Variants in CADM2 observed in about 807,000 individuals in gnomAD.
CADM2 encodes the protein immunoglobulin superfamily member 4D.
Under a neutral mutation model 49.8 loss-of-function variants are expected in CADM2, and 12 were observed. That is an observed-to-expected ratio of 0.24 (90% CI 0.15 to 0.39). The LOEUF (loss-of-function observed/expected upper bound fraction) is 0.39. Among genes scored for constraint, CADM2 ranks in the 10% least tolerant of loss-of-function variants. The probability of loss-of-function intolerance (pLI) is 1.00; values close to 1 mark genes in which losing one functional copy is unlikely to be tolerated. For synonymous variants in CADM2, 214 were observed against 175.4 expected (o/e 1.22, Z -1.74); for missense variants, 378 against 492.3 (o/e 0.77, Z 2.20).
chr3:86,028,072 G>T (rs1210656112), intron 8 of CADM2: 1 of 109,776 alleles, frequency 9.1e-6, no homozygotes, highest in Middle Eastern at 7.2e-3. Flanking sequence ...GAGGGGGGAG[G>T]GATAGTATTA....
intron 1 of CADM2, among the ~76,000 whole-genome samples, chr3:85,326,014 A>G (rs2044740818): frequency 6.6e-6 from 1 of 152,214 alleles, no homozygotes; most frequent in Non-Finnish European, 1.5e-5. Context: ...TTGAAACATA[A>G]ATGTTTATTA....
At chr3:85,036,722 G>T (rs571510474) in intron 1 of CADM2, among the ~76,000 whole-genome samples, 21 of 152,210 alleles carry the variant, frequency 1.4e-4, no homozygotes, top group Middle Eastern at 6.8e-3. Flanking sequence ...AAACCTAATA[G>T]TTTAGTTATG....
intron 1 of CADM2, among the ~76,000 whole-genome samples, chr3:85,612,874 A>ATAAC (rs2063714112): frequency 6.6e-6 from 1 of 151,820 alleles, no homozygotes; most frequent in African/African-American, 2.4e-5. Flanking sequence ...TTACCATAAA[A>ATAAC]TAACTGACTT....
At chr3:85,468,607 A>G (rs547703550) in intron 1 of CADM2, among the ~76,000 whole-genome samples, 18 of 151,526 alleles carry the variant, frequency 1.2e-4, no homozygotes, top group African/African-American at 4.3e-4. Context: ...AGAATATGCC[A>G]TAAGAACTTA....
At position 85,628,676 on chromosome 3, in the gene CADM2, C is replaced by CAT. The variant is rs1262185236; in HGVS notation, c.62-97832_62-97831dup. On this transcript the variant is annotated intron_variant, in intron 1 of 9. Transcript: ENST00000383699. ...ACATATGTATATGTGTATATATACA[C>CAT]ATATATATATATATAATTTGCTTGC... Among the ~76,000 whole-genome samples the CAT allele has an allele frequency of 5.8e-3, 842 of 145,698 alleles. 4 individuals carry two copies. Among genetic ancestry groups the CAT allele is most frequent in the African/African-American group, 0.014 (572 of 39,780 alleles).
intron 1 of CADM2, among the ~76,000 whole-genome samples, chr3:85,021,132 AAG>A (rs1399166337): frequency 1.3e-5 from 2 of 150,524 alleles, no homozygotes; most frequent in Non-Finnish European, 3.0e-5. Context: ...AAAAAAAAAA[AAG>A]GGGGAAAAAA....
intron 1 of CADM2, among the ~76,000 whole-genome samples, chr3:85,191,567 G>A (rs2041208929): frequency 6.6e-6 from 1 of 152,030 alleles, no homozygotes; most frequent in Admixed American, 6.6e-5. Flanking sequence ...AGCAAGTTTG[G>A]CTCCAAATAG....
At chr3:85,070,968 A>G (rs1255424519) in intron 1 of CADM2, among the ~76,000 whole-genome samples, 2 of 150,832 alleles carry the variant, frequency 1.3e-5, no homozygotes, top group Non-Finnish European at 1.5e-5. Context: ...CAGCCTGGGC[A>G]ATAGAGCGAA....
chr3:85,955,178 C>A (rs1418699834), intron 7 of CADM2, among the ~76,000 whole-genome samples: 1 of 150,160 alleles, frequency 6.7e-6, no homozygotes, highest in African/African-American at 2.5e-5. Context: ...TTGAATGTGA[C>A]ATTTTTTTCA....
chr3:85,524,738 T>G (rs2061119338), intron 1 of CADM2, among the ~76,000 whole-genome samples: 1 of 152,208 alleles, frequency 6.6e-6, no homozygotes, highest in Non-Finnish European at 1.5e-5. Context: ...ATTTTCAGAC[T>G]GTGATTATGG....
chr3:85,963,778 G>C (rs1725137272), intron 8 of CADM2, among the ~76,000 whole-genome samples: 1 of 151,882 alleles, frequency 6.6e-6, no homozygotes, highest in Admixed American at 6.6e-5. Context: ...CCTTTAGGTA[G>C]TTGGCAGTTG....
chr3:85,736,041 C>A, intron 2 of CADM2, among the ~76,000 whole-genome samples: 1 of 151,532 alleles, frequency 6.6e-6, no homozygotes, highest in South Asian at 2.1e-4. Context: ...GAGAAGAAAG[C>A]AAAAATGTTA....
chr3:85,554,580 TACC>T (rs2061900714), intron 1 of CADM2, among the ~76,000 whole-genome samples: 1 of 152,220 alleles, frequency 6.6e-6, no homozygotes, highest in African/African-American at 2.4e-5. Context: ...TAAATTATCA[TACC>T]ACTGCTAAAA....
At chr3:85,090,760 G>A (rs2037565420) in intron 1 of CADM2, among the ~76,000 whole-genome samples, 1 of 152,170 alleles carries the variant, frequency 6.6e-6, no homozygotes, top group Non-Finnish European at 1.5e-5. Flanking sequence ...GATTCTCATA[G>A]AAGTGCAAAC....
intron 1 of CADM2, among the ~76,000 whole-genome samples, chr3:85,239,633 T>C (rs2042485078): frequency 6.6e-6 from 1 of 151,568 alleles, no homozygotes; most frequent in Non-Finnish European, 1.5e-5. Context: ...CTTAAGATTA[T>C]ATTAGAAAAA....
intron 1 of CADM2, among the ~76,000 whole-genome samples, chr3:85,699,313 C>A (rs1375049777): frequency 6.6e-6 from 1 of 152,162 alleles, no homozygotes; most frequent in African/African-American, 2.4e-5. Flanking sequence ...TGGCGGCCCC[C>A]TTCTCACAGC....
chr3:85,289,380 G>C (rs1404264194), intron 1 of CADM2, among the ~76,000 whole-genome samples: 1 of 152,148 alleles, frequency 6.6e-6, no homozygotes, highest in African/African-American at 2.4e-5. Flanking sequence ...ACTATTGCAT[G>C]TTTTGTTTCA....
chr3:85,956,661 T>A (rs1406534394), intron 7 of CADM2, among the ~76,000 whole-genome samples: 1 of 151,484 alleles, frequency 6.6e-6, no homozygotes, highest in East Asian at 2.0e-4. Context: ...GGAAGTTTTT[T>A]TTTTTTTTTG....
intron 1 of CADM2, among the ~76,000 whole-genome samples, chr3:85,392,814 T>A (rs1200622496): frequency 6.6e-6 from 1 of 152,156 alleles, no homozygotes; most frequent in Admixed American, 6.5e-5. Context: ...CATGAATTGC[T>A]GTTCAGCTAG....
Sources: allele counts gnomAD v4.1 joint callset (sites outside exome capture counted in the v4.1 genomes callset), GRCh38; gene constraint gnomAD v4.1.1; transcripts MANE v1.5; gene names NCBI Gene and HGNC (gene_info 2026-07-23, HGNC 2026-07-21).